The following PLXNA4 variants were observed in gnomAD, a reference collection of about 807,000 sequenced individuals.
The protein encoded by PLXNA4 is plexin-A4.
PLXNA4 carries 44 observed loss-of-function variants against 191.8 expected under a neutral mutation model. That is an observed-to-expected ratio of 0.23 (90% CI 0.18 to 0.29). The LOEUF is 0.29. Ranked by LOEUF, PLXNA4 falls within the 10% of genes least tolerant of loss-of-function variation. The probability of loss-of-function intolerance (pLI) is 1.00; values close to 1 mark genes in which losing one functional copy is unlikely to be tolerated. For missense variants in PLXNA4, 1,800 were observed against 2,488.8 expected (o/e 0.72, Z 5.89); for synonymous variants, 1,082 against 1,009.5 (o/e 1.07, Z -1.36).
intron 27 of PLXNA4, among the ~76,000 whole-genome samples, chr7:132,147,360 T>G (rs917576128): frequency 1.3e-5 from 2 of 152,130 alleles, no homozygotes; most frequent in African/African-American, 4.8e-5. Flanking sequence ...GGTAAATAAA[T>G]AAATAACCAA....
At chr7:132,330,192 G>C (rs744768) in intron 3 of PLXNA4, among the ~76,000 whole-genome samples, 1 of 152,006 alleles carries the variant, frequency 6.6e-6, no homozygotes, top group East Asian at 1.9e-4. Flanking sequence ...GGAAGGACCT[G>C]GATTGTTTGG....
intron 3 of PLXNA4, among the ~76,000 whole-genome samples, chr7:132,456,606 C>T (rs775652992): frequency 1.3e-5 from 2 of 151,726 alleles, no homozygotes; most frequent in Non-Finnish European, 1.5e-5. Context: ...AAGTGTGTGA[C>T]GAGAAGATAA....
chr7:132,641,640 T>C (rs921674304), intron 2 of PLXNA4, among the ~76,000 whole-genome samples: 1 of 152,210 alleles, frequency 6.6e-6, no homozygotes, highest in African/African-American at 2.4e-5. Context: ...ATCTTTCGAA[T>C]AATAAAAAAT....
intron 3 of PLXNA4, among the ~76,000 whole-genome samples, chr7:132,362,453 C>T (rs999373181): frequency 6.6e-6 from 1 of 152,210 alleles, no homozygotes; most frequent in Non-Finnish European, 1.5e-5. Flanking sequence ...AAATCAGGGG[C>T]ACCCAGACTA....
chr7:132,436,358 G>A (rs1447429486), intron 3 of PLXNA4, among the ~76,000 whole-genome samples: 1 of 152,202 alleles, frequency 6.6e-6, no homozygotes, highest in African/African-American at 2.4e-5. Context: ...ATGAGGTAAG[G>A]CCATGGCAAC....
chr7:132,620,883 A>G (rs1187839645), intron 2 of PLXNA4, among the ~76,000 whole-genome samples: 2 of 152,210 alleles, frequency 1.3e-5, no homozygotes, highest in Non-Finnish European at 2.9e-5. Flanking sequence ...CTGGTGGCTG[A>G]AAGTCCAAGA....
Position 132,240,593 on chromosome 7 carries a change from T to C in PLXNA4, c.1604+473A>G, listed in dbSNP as rs1224774891. 2.0e-5 allele frequency among the ~76,000 whole-genome samples: 3 copies of C among 152,210 alleles called. No individual in the cohort carries two copies. In the East Asian group the frequency reaches 5.8e-4, roughly 29 times the overall value. ...AAACCAGAAAATCCTTTGGAGCTGT[T>C]GAAGTAGATGTTAAGGAGATGTGGA... On this transcript the variant is annotated intron_variant, in intron 5 of 31. Coordinates refer to ENST00000321063, the MANE Select transcript of PLXNA4 (RefSeq NM_020911.2).
chr7:132,298,214 C>T lies in PLXNA4; in HGVS notation c.1380G>A (p.Val460=), dbSNP rs1250797763. 4 of 1,612,676 alleles carry T rather than the reference C, an allele frequency of 2.5e-6. No homozygotes were observed. The highest frequency in any genetic ancestry group is 2.2e-5 in the South Asian group (2 of 90,900). The change falls in exon 4 of 32, where the codon GTG becomes GTA. Residue 460 remains valine, a synonymous_variant. Transcript: ENST00000321063. The part of the protein sequence containing the change: ...TKSGKLKKIR[V]DGPRGNALQY... ...GGAGGGCGTTGCCCCTGGGTCCATCCACCCGGATCTGTGGAGAAGAAGAGG... is the reference window on the plus strand; with the variant it reads ...GGAGGGCGTTGCCCCTGGGTCCATCTACCCGGATCTGTGGAGAAGAAGAGG...
intron 1 of PLXNA4, among the ~76,000 whole-genome samples, chr7:132,518,993 C>T (rs1290530383): frequency 1.3e-5 from 2 of 152,212 alleles, no homozygotes; most frequent in African/African-American, 4.8e-5. Context: ...CTCTCCATTA[C>T]CACGTGGAGA....
At chr7:132,477,546 C>T (rs1308703264) in intron 3 of PLXNA4, among the ~76,000 whole-genome samples, 1 of 152,198 alleles carries the variant, frequency 6.6e-6, no homozygotes, top group Non-Finnish European at 1.5e-5. Flanking sequence ...GCCACCTAAA[C>T]TTGGGGGTCA....
At chr7:132,425,135 C>G (rs1022578731) in intron 3 of PLXNA4, among the ~76,000 whole-genome samples, 3 of 152,210 alleles carry the variant, frequency 2.0e-5, no homozygotes. Flanking sequence ...AGCCTCTCTC[C>G]TTGGAGGCTC....
chr7:132,555,945 G>A (rs1421560838), intron 1 of PLXNA4, among the ~76,000 whole-genome samples: 1 of 152,228 alleles, frequency 6.6e-6, no homozygotes, highest in African/African-American at 2.4e-5. Flanking sequence ...GGTTAGAAAT[G>A]CCATCCAGGC....
intron 3 of PLXNA4, among the ~76,000 whole-genome samples, chr7:132,355,080 C>T (rs1208080480): frequency 2.0e-5 from 3 of 152,188 alleles, no homozygotes; most frequent in East Asian, 3.9e-4. Flanking sequence ...CCTCTTCCTG[C>T]CTCTAGTGGT....
At chr7:132,258,699 C>A (rs995166236) in intron 4 of PLXNA4, among the ~76,000 whole-genome samples, 1 of 152,302 alleles carries the variant, frequency 6.6e-6, no homozygotes, top group Non-Finnish European at 1.5e-5. Flanking sequence ...CACCCACACC[C>A]ATCCAGACCC....
At chr7:132,143,815 AGAAAGGTTG>A (rs2116556170) in intron 29 of PLXNA4, among the ~76,000 whole-genome samples, 2 of 152,360 alleles carry the variant, frequency 1.3e-5, no homozygotes, top group Middle Eastern at 6.8e-3. Flanking sequence ...GTCTTATTTC[AGAAAGGTTG>A]GAAGAACCCC....
intron 25 of PLXNA4, among the ~76,000 whole-genome samples, chr7:132,151,149 T>G (rs1795584948): frequency 6.6e-6 from 1 of 151,848 alleles, no homozygotes; most frequent in Non-Finnish European, 1.5e-5. Flanking sequence ...GCTATGTGCT[T>G]TTTTTCTGAA....
At chr7:132,639,853 G>A (rs1165817300) in intron 2 of PLXNA4, among the ~76,000 whole-genome samples, 1 of 152,184 alleles carries the variant, frequency 6.6e-6, no homozygotes, top group East Asian at 1.9e-4. Context: ...TCCAGACCAT[G>A]ATGAGAGTCA....
chr7:132,163,098 A>G (rs1323723599), intron 24 of PLXNA4, among the ~76,000 whole-genome samples: 1 of 152,062 alleles, frequency 6.6e-6, no homozygotes, highest in East Asian at 1.9e-4. Context: ...TGCCACTTGC[A>G]TATCACCCCC....
intron 4 of PLXNA4, among the ~76,000 whole-genome samples, chr7:132,264,802 A>G (rs1327769605): frequency 6.6e-6 from 1 of 150,520 alleles, no homozygotes; most frequent in Non-Finnish European, 1.5e-5. Flanking sequence ...GGCTCAAGTG[A>G]TCCTCCTGCC....
Sources: gnomAD v4.1 joint callset for allele counts (sites outside exome capture counted in the v4.1 genomes callset) on GRCh38, gnomAD v4.1.1 for gene constraint, MANE v1.5 for transcripts, NCBI Gene and HGNC (gene_info 2026-07-23, HGNC 2026-07-21) for gene names.